EIF4A3: variants seen among roughly 807,000 people sequenced by gnomAD.
The protein encoded by EIF4A3 is eukaryotic translation initiation factor 4A3, also known as eukaryotic initiation factor 4A-III.
EIF4A3 carries 1 observed loss-of-function variant against 55.6 expected under a neutral mutation model. The observed-to-expected ratio is 0.02, with a 90% CI of 0.01 to 0.09. EIF4A3 has a LOEUF of 0.09. EIF4A3 is among the 10% of genes least tolerant of loss of function. EIF4A3 has a pLI of 1.00. For missense variants in EIF4A3, 221 were observed against 540.7 expected, an observed-to-expected ratio of 0.41 and a Z score of 5.86; for synonymous variants, 194 against 196.3, an observed-to-expected ratio of 0.99 and a Z score of 0.10.
At chr17:80,139,273 G>T in intron 6 of EIF4A3, 111 bp from the exon 7 acceptor site, 1 of 1,415,596 alleles carries the variant, frequency 7.1e-7, no homozygotes, top group Non-Finnish European at 9.6e-7. Context: ...GATAAGGTAC[G>T]TTTGACAGGA....
chr17:80,139,571 C>G, intron 6 of EIF4A3, 99 bp downstream of exon 6: 1 of 1,033,540 alleles, frequency 9.7e-7, no homozygotes, highest in Non-Finnish European at 1.4e-6. Context: ...AAACACTATT[C>G]ACATTCAGAA....
At position 80,136,299 on chromosome 17, in the gene EIF4A3, C is replaced by A. The variant is rs749945591; in HGVS notation, c.1020G>T (p.Gly340=). 6 of 1,613,956 alleles carry A rather than the reference C, an allele frequency of 3.7e-6. No individual in the cohort carries two copies. The highest frequency in any genetic ancestry group is 1.3e-5 in the African/African-American group (1 of 74,902). The part of the protein sequence containing the change: ...VLISTDVWAR[G]LDVPQVSLII... ...TGAGGGACACCTGAGGGACATCCAA[C>A]CCCCTGGCCCAGACATCTGTAGAAA... The change falls in exon 10 of 12, where the codon GGG becomes GGT. Residue 340 remains glycine (G), a synonymous_variant. Coordinates refer to ENST00000649764, the MANE Select transcript of EIF4A3 (RefSeq NM_014740.4).
chr17:80,144,042 G>T, intron 2 of EIF4A3, 130 bp downstream of exon 2: 1 of 849,646 alleles, frequency 1.2e-6, no homozygotes, highest in Non-Finnish European at 1.9e-6. Context: ...TAAACCCTGT[G>T]GCTAAAGTCA....
chr17:80,139,538 G>T, intron 6 of EIF4A3, 132 bp downstream of exon 6: 2 of 819,500 alleles, frequency 2.4e-6, no homozygotes, highest in Non-Finnish European at 3.7e-6. Flanking sequence ...AATTGCCAAG[G>T]CACAATTGTT....
Position 80,141,386 on chromosome 17 carries a change from T to C in EIF4A3, c.310-5A>G. The C allele has an allele frequency of 6.2e-7, 1 of 1,613,516 alleles. No homozygotes were observed. The highest frequency in any genetic ancestry group is 8.5e-7 in the Non-Finnish European group (1 of 1,179,542). ...CAAAGCTTGAGTTTCACGAACCTGG[T>C]GAAATAATTTATCAGAAAATAGAGA... is the stretch of plus-strand genomic sequence containing the variant. On this transcript the variant is annotated splice_polypyrimidine_tract_variant and splice_region_variant and intron_variant, in intron 3 of 11. Coordinates refer to ENST00000649764, the MANE Select transcript of EIF4A3 (RefSeq NM_014740.4).
At chr17:80,145,736 G>A (rs1318604267) in intron 1 of EIF4A3, among the ~76,000 whole-genome samples, 2 of 152,048 alleles carry the variant, frequency 1.3e-5, no homozygotes, top group East Asian at 1.9e-4. Flanking sequence ...CATACCAAGA[G>A]ACAGCTCCTG....
intron 1 of EIF4A3, 94 bp from the exon 2 acceptor site, chr17:80,144,338 T>C (rs1171574599): frequency 1.7e-6 from 2 of 1,172,202 alleles, no homozygotes; most frequent in Non-Finnish European, 1.2e-6. Flanking sequence ...GTTTGTTTTT[T>C]GAACCTGTCC....
intron 1 of EIF4A3, 110 bp downstream of exon 1, chr17:80,146,683 C>A: frequency 7.4e-7 from 1 of 1,348,546 alleles, no homozygotes; most frequent in Non-Finnish European, 9.8e-7. Flanking sequence ...TCGACCCTGA[C>A]CACGACCTCC....
intron 6 of EIF4A3, 180 bp downstream of exon 6, chr17:80,139,490 A>C (rs2039600368): frequency 3.0e-6 from 2 of 666,078 alleles, no homozygotes; most frequent in South Asian, 2.0e-5. Flanking sequence ...CCCACAATGA[A>C]CAAATAAATA....
Position 80,135,371 on chromosome 17 carries a change from A to G in EIF4A3, c.*119T>C. ...TCCTCTTCAAAGGAAGGGAGACGGC[A>G]GGCCATTTATGAGAAGAAAGTCCAT... is the stretch of plus-strand genomic sequence containing the variant. On this transcript the variant is annotated 3_prime_UTR_variant, in exon 12 of 12. Transcript: ENST00000649764. 8.5e-7 allele frequency: 1 copy of G among 1,179,726 alleles called. No homozygotes were observed. The highest frequency in any genetic ancestry group is 2.7e-5 in the East Asian group (1 of 37,010). 73.1% of individuals were successfully genotyped at this position (1,179,726 alleles called of 1,614,324 possible). A position where few individuals can be genotyped will look rare whatever the true frequency, so the allele number is the denominator to read the frequency against.
At chr17:80,139,436 G>A (rs2039600092) in intron 6 of EIF4A3, 1 of 615,500 alleles carries the variant, frequency 1.6e-6, no homozygotes, top group African/African-American at 1.9e-5. Context: ...CACCCCGAGA[G>A]TCCTAGATAC....
At chr17:80,135,809 T>G (rs2039565632) in intron 11 of EIF4A3, 195 bp downstream of exon 11, 2 of 663,354 alleles carry the variant, frequency 3.0e-6, no homozygotes, top group Non-Finnish European at 5.1e-6. Context: ...GCAGGAGAAT[T>G]GCTTGAACCC....
chr17:80,145,599 G>A (rs746562245), intron 1 of EIF4A3, among the ~76,000 whole-genome samples: 4 of 152,094 alleles, frequency 2.6e-5, no homozygotes, highest in African/African-American at 4.8e-5. Context: ...AGAACTACAG[G>A]ATAAAAAATG....
chr17:80,140,469 A>T, intron 4 of EIF4A3: 1 of 200,846 alleles, frequency 5.0e-6, no homozygotes, highest in African/African-American at 2.4e-5. Flanking sequence ...GCCCGCCACC[A>T]CACCAGGCTA....
intron 2 of EIF4A3, among the ~76,000 whole-genome samples, chr17:80,143,668 G>A (rs1167123613): frequency 3.3e-5 from 5 of 152,180 alleles, no homozygotes; most frequent in African/African-American, 4.8e-5. Flanking sequence ...AAACCACTAA[G>A]CAAAGCTGGC....
chr17:80,137,547 G>A, intron 8 of EIF4A3, 46 bp from the exon 9 acceptor site: 8 of 1,466,468 alleles, frequency 5.5e-6, no homozygotes, highest in Non-Finnish European at 5.7e-6. Context: ...GTATACCAAA[G>A]CAGAGATGTG....
At position 80,135,144 on chromosome 17, in the gene EIF4A3, T is replaced by C. The variant is rs1309754988; in HGVS notation, c.*346A>G. The C allele has an allele frequency of 1.1e-5, 2 of 188,224 alleles. No homozygotes were observed. The highest frequency in any genetic ancestry group is 2.1e-5 in the Non-Finnish European group (2 of 94,798). The allele number at this position is 188,224 out of a possible 1,614,324, so 11.7% of individuals were successfully genotyped here. A position where few individuals can be genotyped will look rare whatever the true frequency, so the allele number is the denominator to read the frequency against. On this transcript the variant is annotated 3_prime_UTR_variant, in exon 12 of 12. Coordinates refer to ENST00000649764, the MANE Select transcript of EIF4A3 (RefSeq NM_014740.4). ...TCCTGCCTGGGCAACAGAGGGAGAC[T>C]GTCTCAAAAAAAAAAAAGAAAAAGA...
At chr17:80,142,650 C>G (rs528082728) in intron 2 of EIF4A3, among the ~76,000 whole-genome samples, 1 of 151,900 alleles carries the variant, frequency 6.6e-6, no homozygotes, top group African/African-American at 2.4e-5. Flanking sequence ...GAGGTTGAGG[C>G]GGGACGATTC....
chr17:80,141,755 C>T (rs1263983050), intron 3 of EIF4A3, 27 bp downstream of exon 3: 1 of 1,586,646 alleles, frequency 6.3e-7, no homozygotes, highest in Admixed American at 1.7e-5. Context: ...AATTACATAA[C>T]AGTTTGTTTT....
Sources: gnomAD v4.1 joint callset for allele counts (sites outside exome capture counted in the v4.1 genomes callset) on GRCh38, gnomAD v4.1.1 for gene constraint, MANE v1.5 for transcripts, NCBI Gene and HGNC (gene_info 2026-07-23, HGNC 2026-07-21) for gene names.